Variants in MAGI2 observed in about 807,000 individuals in gnomAD.
The protein encoded by MAGI2 is membrane-associated guanylate kinase, WW and PDZ domain-containing protein 2.
MAGI2 carries 35 observed loss-of-function variants against 133.3 expected under a neutral mutation model. The ratio of observed to expected loss-of-function variants is 0.26; its 90% confidence interval spans 0.20 to 0.35. The LOEUF (loss-of-function observed/expected upper bound fraction) is 0.35, where lower values mean the gene tolerates loss of function less well. Among genes scored for constraint, MAGI2 ranks in the 10% least tolerant of loss-of-function variants. The pLI is 1.00. For synonymous variants in MAGI2, 729 were observed against 710.6 expected (o/e 1.03, Z -0.41); for missense variants, 1,636 against 1,863.4 (o/e 0.88, Z 2.25).
chr7:78,287,581 ATTC>A (rs1796274953), intron 9 of MAGI2, among the ~76,000 whole-genome samples: 1 of 152,128 alleles, frequency 6.6e-6, no homozygotes, highest in African/African-American at 2.4e-5. Context: ...AAAAATCTGT[ATTC>A]TTGAGTCATA....
intron 9 of MAGI2, among the ~76,000 whole-genome samples, chr7:78,277,436 C>T (rs1795160405): frequency 2.6e-5 from 4 of 152,062 alleles, no homozygotes; most frequent in Admixed American, 2.0e-4. Flanking sequence ...AGCAGTGACA[C>T]ACAGTAAAGG....
intron 2 of MAGI2, among the ~76,000 whole-genome samples, chr7:78,667,067 C>T (rs1402132095): frequency 6.6e-6 from 1 of 152,040 alleles, no homozygotes; most frequent in African/African-American, 2.4e-5. Flanking sequence ...TGTAGATTTA[C>T]AAGAAGCTGT....
At chr7:78,769,752 G>A (rs1405018123) in intron 2 of MAGI2, among the ~76,000 whole-genome samples, 2 of 152,168 alleles carry the variant, frequency 1.3e-5, no homozygotes, top group African/African-American at 4.8e-5. Flanking sequence ...GACTCAGCCA[G>A]TCACCCTCAC....
intron 2 of MAGI2, among the ~76,000 whole-genome samples, chr7:78,629,344 C>T (rs1039751297): frequency 6.6e-6 from 1 of 152,132 alleles, no homozygotes; most frequent in African/African-American, 2.4e-5. Context: ...AAGTTCTGCT[C>T]TACAATCTCA....
At chr7:78,100,527 T>C (rs1818117160) in intron 20 of MAGI2, among the ~76,000 whole-genome samples, 1 of 150,878 alleles carries the variant, frequency 6.6e-6, no homozygotes, top group Non-Finnish European at 1.5e-5. Flanking sequence ...ACTTTTTAAA[T>C]TTTTTGTAGA....
Position 78,489,718 on chromosome 7 carries a change from T to A in MAGI2, c.1045+43A>T, listed in dbSNP as rs760987561. The stretch of plus-strand genomic sequence containing the variant: ...TCTCATTTAAGAAACACAAACATTC[T>A]CAAAGCACATTGCTGAAACACCATA... On this transcript the variant is annotated intron_variant, in intron 6 of 21. Transcript: ENST00000354212. 7 of 1,433,386 alleles carry A rather than the reference T, an allele frequency of 4.9e-6. No individual in the cohort carries two copies. In the Admixed American group the frequency reaches 5.3e-5, roughly 11 times the overall value. The allele number at this position is 1,433,386 out of a possible 1,614,324, so 88.8% of individuals were successfully genotyped here. A position where few individuals can be genotyped will look rare whatever the true frequency, so the allele number is the denominator to read the frequency against.
At chr7:78,996,982 A>C (rs1806368223) in intron 2 of MAGI2, among the ~76,000 whole-genome samples, 1 of 152,166 alleles carries the variant, frequency 6.6e-6, no homozygotes, top group Admixed American at 6.6e-5. Flanking sequence ...GTAACAAATA[A>C]AGATGAGTTT....
At chr7:79,385,602 C>T (rs975008942) in intron 1 of MAGI2, among the ~76,000 whole-genome samples, 2 of 151,278 alleles carry the variant, frequency 1.3e-5, no homozygotes, top group African/African-American at 4.9e-5. Context: ...AAAAAAATTC[C>T]ACATATAAGT....
chr7:79,015,666 A>G (rs1434489732), intron 1 of MAGI2, among the ~76,000 whole-genome samples: 1 of 152,142 alleles, frequency 6.6e-6, no homozygotes, highest in Non-Finnish European at 1.5e-5. Context: ...AATGTGTCCC[A>G]AAGGTTTATT....
At chr7:78,793,168 G>A (rs1004182791) in intron 2 of MAGI2, among the ~76,000 whole-genome samples, 1 of 152,208 alleles carries the variant, frequency 6.6e-6, no homozygotes, top group African/African-American at 2.4e-5. Flanking sequence ...GATGGTGGCA[G>A]CTCTATCATC....
intron 1 of MAGI2, among the ~76,000 whole-genome samples, chr7:79,049,752 T>C (rs888121576): frequency 6.6e-6 from 1 of 152,272 alleles, no homozygotes; most frequent in East Asian, 1.9e-4. Flanking sequence ...ACATATTTTG[T>C]TTTATATGTC....
intron 1 of MAGI2, among the ~76,000 whole-genome samples, chr7:79,069,913 A>G (rs1200694974): frequency 1.3e-5 from 2 of 152,116 alleles, no homozygotes; most frequent in Non-Finnish European, 2.9e-5. Context: ...TCTTTTCTTT[A>G]AGAATGTTAA....
intron 1 of MAGI2, among the ~76,000 whole-genome samples, chr7:79,365,602 A>G (rs549002162): frequency 2.0e-4 from 30 of 152,228 alleles, no homozygotes; most frequent in African/African-American, 6.5e-4. Context: ...TCAAGCCTGC[A>G]ATCCTAGCAC....
intron 1 of MAGI2, among the ~76,000 whole-genome samples, chr7:79,213,214 GTATA>G (rs141642663): frequency 6.6e-6 from 1 of 150,540 alleles, no homozygotes; most frequent in Non-Finnish European, 1.5e-5. Context: ...GTATTTTTCT[GTATA>G]TATATATGTG....
intron 3 of MAGI2, among the ~76,000 whole-genome samples, chr7:78,591,219 C>A (rs764105323): frequency 3.3e-5 from 5 of 152,180 alleles, no homozygotes; most frequent in Admixed American, 3.3e-4. Context: ...AGAGATCCAG[C>A]AATTCTATTT....
chr7:78,958,631 T>A (rs1428836070), intron 2 of MAGI2, among the ~76,000 whole-genome samples: 1 of 152,166 alleles, frequency 6.6e-6, no homozygotes, highest in Non-Finnish European at 1.5e-5. Flanking sequence ...TAACATTTCA[T>A]CTGCCCATGG....
At chr7:78,070,860 A>G (rs1814614969) in intron 21 of MAGI2, among the ~76,000 whole-genome samples, 1 of 151,868 alleles carries the variant, frequency 6.6e-6, no homozygotes, top group Admixed American at 6.6e-5. Context: ...TTTAGTAGAG[A>G]TGGGGTTTCA....
intron 1 of MAGI2, among the ~76,000 whole-genome samples, chr7:79,050,523 C>T (rs1417250400): frequency 6.6e-6 from 1 of 152,152 alleles, no homozygotes; most frequent in Non-Finnish European, 1.5e-5. Flanking sequence ...GCTAGGAGTG[C>T]AGGTGAGTGC....
chr7:79,360,930 T>A (rs2129122384), intron 1 of MAGI2, among the ~76,000 whole-genome samples: 1 of 152,212 alleles, frequency 6.6e-6, no homozygotes, highest in African/African-American at 2.4e-5. Context: ...ATTGGTAGTG[T>A]GGATAAACAA....
Sources: allele counts gnomAD v4.1 joint callset (sites outside exome capture counted in the v4.1 genomes callset), GRCh38; gene constraint gnomAD v4.1.1; transcripts MANE v1.5; gene names NCBI Gene and HGNC (gene_info 2026-07-23, HGNC 2026-07-21).